The following NCAM1 variants were observed in gnomAD, a reference collection of about 807,000 sequenced individuals.
NCAM1 encodes neural cell adhesion molecule 1.
In NCAM1, 14 loss-of-function variants were observed where a neutral mutation model predicts 109.8. That is an observed-to-expected ratio of 0.13 (90% CI 0.08 to 0.20). The LOEUF (loss-of-function observed/expected upper bound fraction) is 0.20, where lower values mean the gene tolerates loss of function less well. Among genes scored for constraint, NCAM1 ranks in the 10% least tolerant of loss-of-function variants. The pLI is 1.00. For missense variants in NCAM1, 774 were observed against 1,109.9 expected (o/e 0.70, Z 4.30); for synonymous variants, 418 against 442.9 (o/e 0.94, Z 0.70).
intron 1 of NCAM1, among the ~76,000 whole-genome samples, chr11:113,114,438 C>A (rs1940594180): frequency 6.6e-6 from 1 of 152,228 alleles, no homozygotes; most frequent in African/African-American, 2.4e-5. Flanking sequence ...AGCCTTAGGA[C>A]ATTTAAGCAG....
intron 8 of NCAM1, among the ~76,000 whole-genome samples, chr11:113,220,295 T>C (rs1454936074): frequency 6.6e-6 from 1 of 152,144 alleles, no homozygotes; most frequent in African/African-American, 2.4e-5. Flanking sequence ...TTGATGGAGA[T>C]GGTACATGCT....
intron 1 of NCAM1, among the ~76,000 whole-genome samples, chr11:112,968,882 A>T (rs1555066212): frequency 6.6e-6 from 1 of 152,220 alleles, no homozygotes; most frequent in South Asian, 2.1e-4. Context: ...TGAATTCCTT[A>T]ACTCAACAAA....
At chr11:113,040,729 A>C (rs782697170) in intron 1 of NCAM1, among the ~76,000 whole-genome samples, 18 of 152,200 alleles carry the variant, frequency 1.2e-4, no homozygotes, top group Admixed American at 5.2e-4. Context: ...TTCCTCTCTT[A>C]TAAAGTGATG....
At chr11:113,247,474 G>A (rs1945532505) in intron 15 of NCAM1, among the ~76,000 whole-genome samples, 1 of 152,180 alleles carries the variant, frequency 6.6e-6, no homozygotes, top group East Asian at 1.9e-4. Flanking sequence ...CTTTGTTCCC[G>A]GTCTGCTCTT....
chr11:113,262,506 C>G (rs1946036954), intron 17 of NCAM1, among the ~76,000 whole-genome samples: 1 of 152,162 alleles, frequency 6.6e-6, no homozygotes, highest in South Asian at 2.1e-4. Flanking sequence ...ATCCCTAGCC[C>G]CCAAATTAAC....
At chr11:113,146,103 T>C (rs1440559593) in intron 1 of NCAM1, among the ~76,000 whole-genome samples, 1 of 152,218 alleles carries the variant, frequency 6.6e-6, no homozygotes, top group East Asian at 1.9e-4. Context: ...AATGCCTCTA[T>C]CAAGAGTACG....
At chr11:113,184,904 A>C (rs956619683) in intron 1 of NCAM1, among the ~76,000 whole-genome samples, 2 of 151,984 alleles carry the variant, frequency 1.3e-5, no homozygotes, top group Non-Finnish European at 2.9e-5. Context: ...TTTTGATTGC[A>C]AGTCATATCT....
intron 1 of NCAM1, among the ~76,000 whole-genome samples, chr11:113,099,877 C>T (rs1239731374): frequency 3.3e-5 from 5 of 152,052 alleles, no homozygotes; most frequent in African/African-American, 4.8e-5. Context: ...TTAGCAGAGA[C>T]GGGGTTTCAC....
chr11:113,168,965 G>A (rs187983287), intron 1 of NCAM1, among the ~76,000 whole-genome samples: 92 of 152,064 alleles, frequency 6.1e-4, no homozygotes, highest in South Asian at 3.5e-3. Context: ...TTGCATGAAC[G>A]TGGAGGCAGG....
chr11:113,253,375 G>T (rs187192094), intron 15 of NCAM1, among the ~76,000 whole-genome samples: 127 of 152,318 alleles, frequency 8.3e-4, no homozygotes, highest in African/African-American at 2.5e-3. Flanking sequence ...TGAATTTTGT[G>T]TTCTGTTTCC....
chr11:113,240,737 T>C, intron 14 of NCAM1: 2 of 1,568,900 alleles, frequency 1.3e-6, no homozygotes, highest in Non-Finnish European at 1.8e-6. Context: ...ATTCAGTATC[T>C]GTGTGCCTCA....
intron 14 of NCAM1, among the ~76,000 whole-genome samples, chr11:113,244,715 A>T (rs1945449316): frequency 6.6e-6 from 1 of 151,882 alleles, no homozygotes; most frequent in South Asian, 2.1e-4. Flanking sequence ...GAGGGAATAA[A>T]GGTATTCTAA....
intron 1 of NCAM1, among the ~76,000 whole-genome samples, chr11:113,125,761 T>A (rs1337803900): frequency 1.3e-5 from 2 of 152,184 alleles, no homozygotes; most frequent in African/African-American, 4.8e-5. Flanking sequence ...TCATCATCTG[T>A]GGAATCTGTG....
intron 16 of NCAM1, among the ~76,000 whole-genome samples, chr11:113,257,487 TA>T (rs1263753407): frequency 4.6e-5 from 7 of 152,242 alleles, no homozygotes; most frequent in Non-Finnish European, 1.0e-4. Flanking sequence ...TGGAAACCTT[TA>T]TAAATGGTCA....
At chr11:113,199,478 C>T (rs1378564862) in intron 1 of NCAM1, among the ~76,000 whole-genome samples, 1 of 152,036 alleles carries the variant, frequency 6.6e-6, no homozygotes, top group African/African-American at 2.4e-5. Flanking sequence ...TTCCAGAGAA[C>T]CTGGGGTTCC....
At chr11:113,242,011 G>T (rs894482314) in intron 14 of NCAM1, among the ~76,000 whole-genome samples, 3 of 152,200 alleles carry the variant, frequency 2.0e-5, no homozygotes, top group Non-Finnish European at 2.9e-5. Flanking sequence ...GGCTTTGGAA[G>T]TAGACAGACC....
intron 14 of NCAM1, among the ~76,000 whole-genome samples, chr11:113,239,071 G>A (rs564103362): frequency 7.9e-5 from 12 of 152,194 alleles, no homozygotes; most frequent in Non-Finnish European, 1.8e-4. Flanking sequence ...AGCAGGGGGA[G>A]CTAGTAAAAG....
At chr11:113,037,463 C>T (rs1290305450) in intron 1 of NCAM1, among the ~76,000 whole-genome samples, 7 of 152,126 alleles carry the variant, frequency 4.6e-5, no homozygotes, top group African/African-American at 1.4e-4. Flanking sequence ...AAGGTGCAAG[C>T]CATTAGCAGC....
chr11:112,968,263 G>C (rs1950779483), intron 1 of NCAM1, among the ~76,000 whole-genome samples: 1 of 152,138 alleles, frequency 6.6e-6, no homozygotes, highest in Non-Finnish European at 1.5e-5. Context: ...TTTGATATTT[G>C]TCACTGCCGA....
Sources: allele counts gnomAD v4.1 joint callset (sites outside exome capture counted in the v4.1 genomes callset), GRCh38; gene constraint gnomAD v4.1.1; transcripts MANE v1.5; gene names NCBI Gene and HGNC (gene_info 2026-07-23, HGNC 2026-07-21).